Variants in PRKCZ observed in about 807,000 individuals in gnomAD.
PRKCZ encodes the protein protein kinase C zeta type.
Under a neutral mutation model 79.5 loss-of-function variants are expected in PRKCZ, and 33 were observed. The ratio of observed to expected loss-of-function variants is 0.41; its 90% CI spans 0.31 to 0.55. The LOEUF (loss-of-function observed/expected upper bound fraction) is 0.55. Ranked by LOEUF, PRKCZ falls within the 20% of genes least tolerant of loss-of-function variation. The pLI, the probability that PRKCZ is intolerant of heterozygous loss-of-function variation, is 0.19. For synonymous variants in PRKCZ, 342 were observed against 320.9 expected, an observed-to-expected ratio of 1.07 and a Z score of -0.70; for missense variants, 578 against 813.5, an observed-to-expected ratio of 0.71 and a Z score of 3.52.
At chr1:2,129,519 C>T (rs1431462743) in intron 4 of PRKCZ, among the ~76,000 whole-genome samples, 3 of 152,074 alleles carry the variant, frequency 2.0e-5, no homozygotes, top group Non-Finnish European at 4.4e-5. Flanking sequence ...CTGGGGCGGA[C>T]GCAGACAGTG....
chr1:2,181,133 C>G (rs929325718), intron 16 of PRKCZ, among the ~76,000 whole-genome samples: 1 of 143,882 alleles, frequency 7.0e-6, no homozygotes, highest in African/African-American at 2.5e-5. Flanking sequence ...TCCTGCCTGG[C>G]CCTACGGACA....
chr1:2,121,513 TACTTAA>T (rs1445903232), intron 4 of PRKCZ, among the ~76,000 whole-genome samples: 3,200 of 140,064 alleles, frequency 0.023, 381 homozygotes, highest in Admixed American at 0.032. Flanking sequence ...ATCATGGTGG[TACTTAA>T]GGTCATGGCA....
chr1:2,080,957 G>C (rs1359382539), intron 4 of PRKCZ, among the ~76,000 whole-genome samples: 1 of 152,156 alleles, frequency 6.6e-6, no homozygotes, highest in East Asian at 1.9e-4. Context: ...AGGAGGTGAA[G>C]CCTCCTTATA....
At chr1:2,118,342 G>GTTT (rs35864868) in intron 4 of PRKCZ, among the ~76,000 whole-genome samples, 6 of 135,416 alleles carry the variant, frequency 4.4e-5, no homozygotes, top group Admixed American at 7.4e-5. Context: ...AAATGTTTTT[G>GTTT]TTTTTTTTTT....
chr1:2,115,591 A>G (rs1381839380), intron 4 of PRKCZ, among the ~76,000 whole-genome samples: 1 of 152,130 alleles, frequency 6.6e-6, no homozygotes, highest in Non-Finnish European at 1.5e-5. Flanking sequence ...GCCTGCCCCT[A>G]CTTGAGAGCC....
At position 2,162,624 on chromosome 1, in the gene PRKCZ, A is replaced by T. The variant is rs1174178164; in HGVS notation, c.974+6532A>T. On this transcript the variant is annotated intron_variant, in intron 10 of 17. Coordinates refer to ENST00000378567, the MANE Select transcript of PRKCZ (RefSeq NM_002744.6). Reference sequence around the variant, plus strand: ...TCCTTGTCTAATTATTATTATTATTATTTTTACAGATGGGGGTCTTGCTAT... The same window carrying T: ...TCCTTGTCTAATTATTATTATTATTTTTTTTACAGATGGGGGTCTTGCTAT... Among the ~76,000 whole-genome samples, 8 of 151,894 alleles carry T rather than the reference A, an allele frequency of 5.3e-5. No individual in the cohort carries two copies. In the South Asian group the frequency reaches 8.3e-4, roughly 16 times the overall value.
chr1:2,100,222 T>G (rs1571362983), intron 4 of PRKCZ, among the ~76,000 whole-genome samples: 3 of 152,356 alleles, frequency 2.0e-5, no homozygotes, highest in Middle Eastern at 3.4e-3. Context: ...TGGTAGAGGT[T>G]GTTTTGCTAA....
chr1:2,055,006 G>T (rs1371925279), intron 1 of PRKCZ, among the ~76,000 whole-genome samples: 1 of 150,440 alleles, frequency 6.6e-6, no homozygotes, highest in Non-Finnish European at 1.5e-5. Context: ...GCAGTGGCGC[G>T]ATCTCGGCTC....
At chr1:2,112,184 G>A (rs1669872219) in intron 4 of PRKCZ, among the ~76,000 whole-genome samples, 2 of 152,152 alleles carry the variant, frequency 1.3e-5, no homozygotes, top group Admixed American at 1.3e-4. Flanking sequence ...CCAGGAGTCT[G>A]CCTAGAAGGC....
At chr1:2,090,368 G>GGA (rs1411362306) in intron 4 of PRKCZ, among the ~76,000 whole-genome samples, 1 of 152,080 alleles carries the variant, frequency 6.6e-6, no homozygotes, top group African/African-American at 2.4e-5. Context: ...TTTTGTAGCC[G>GGA]TCAGGGAGCA....
In PRKCZ at chr1:2,175,837, G is replaced by A. The variant is rs575115171; in HGVS notation, c.1575+524G>A. 4.6e-5 allele frequency among the ~76,000 whole-genome samples: 7 copies of A among 152,264 alleles called. No individual in the cohort carries two copies. In the East Asian group the frequency reaches 1.2e-3, roughly 25 times the overall value. On this transcript the variant is annotated intron_variant, in intron 16 of 17. Transcript: ENST00000378567. ...CCCATGGCGCTTCCTGGCAACCCTC[G>A]ACTGTGCTGGCTTGGTGCCGCCAGG...
chr1:2,118,908 G>T (rs138890036), intron 4 of PRKCZ, among the ~76,000 whole-genome samples: 6 of 152,270 alleles, frequency 3.9e-5, no homozygotes, highest in African/African-American at 1.2e-4. Flanking sequence ...TTAAATGAAA[G>T]ATTTAGTCCG....
chr1:2,055,323 A>G, intron 1 of PRKCZ, 118 bp from the exon 2 acceptor site: 1 of 1,291,376 alleles, frequency 7.7e-7, no homozygotes. Flanking sequence ...GGGCTGTCAT[A>G]TTGTCTTTGG....
chr1:2,077,209 C>T (rs1403960404), intron 4 of PRKCZ, among the ~76,000 whole-genome samples: 8 of 152,304 alleles, frequency 5.3e-5, no homozygotes, highest in East Asian at 1.9e-4. Flanking sequence ...AGTTTACACG[C>T]GCTCTGGTGG....
intron 5 of PRKCZ, among the ~76,000 whole-genome samples, chr1:2,137,085 G>A (rs1016210513): frequency 2.0e-5 from 3 of 152,156 alleles, no homozygotes; most frequent in Non-Finnish European, 4.4e-5. Context: ...CAGGGAAGCC[G>A]ACAGTGCAGC....
At chr1:2,148,784 C>T in intron 7 of PRKCZ, 88 bp from the exon 8 acceptor site, 2 of 1,342,018 alleles carry the variant, frequency 1.5e-6, no homozygotes, top group Non-Finnish European at 2.1e-6. Flanking sequence ...CGTCACCCTG[C>T]AGAGGAGCAA....
chr1:2,085,148 G>A (rs1664257630), intron 4 of PRKCZ, among the ~76,000 whole-genome samples: 1 of 152,216 alleles, frequency 6.6e-6, no homozygotes, highest in Admixed American at 6.5e-5. Flanking sequence ...TCAGCTGGGT[G>A]AGGAGTAGAG....
chr1:2,085,482 G>A (rs1427333430), intron 4 of PRKCZ, among the ~76,000 whole-genome samples: 1 of 152,268 alleles, frequency 6.6e-6, no homozygotes, highest in East Asian at 1.9e-4. Context: ...GCTGCGCACG[G>A]TGCTTTTTGC....
chr1:2,168,360 G>A lies in PRKCZ; in HGVS notation c.975-1158G>A, dbSNP rs1233292040. Among the ~76,000 whole-genome samples the A allele has an allele frequency of 3.9e-5, 6 of 152,208 alleles. No homozygotes were observed. The highest frequency in any genetic ancestry group is 1.4e-4 in the African/African-American group (6 of 41,450). ...CAGAGAATTTCCAGGCACATCCGTT[G>A]GAGGCAGGGGAGACAACAAAAGCCG... is the stretch of plus-strand genomic sequence containing the variant. On this transcript the variant is annotated intron_variant, in intron 10 of 17. Transcript: ENST00000378567. The surrounding 1 kb of genome is among the most constrained non-coding windows in gnomAD (Gnocchi z 4.7).
Sources: gnomAD v4.1 joint callset for allele counts (sites outside exome capture counted in the v4.1 genomes callset) on GRCh38, gnomAD v4.1.1 for gene constraint, Gnocchi (gnomAD v3.1) non-coding constraint, MANE v1.5 for transcripts, NCBI Gene and HGNC (gene_info 2026-07-23, HGNC 2026-07-21) for gene names.